LZTS1: variants seen among roughly 807,000 people sequenced by gnomAD.
The protein encoded by LZTS1 is leucine zipper putative tumor suppressor 1.
A neutral mutation model predicts 45.8 loss-of-function variants in LZTS1; 31 were observed. That is an observed-to-expected ratio of 0.68 (90% CI 0.51 to 0.91). The LOEUF (loss-of-function observed/expected upper bound fraction) is 0.91, where lower values mean the gene tolerates loss of function less well. LZTS1 is among the 40% of genes least tolerant of loss of function. The pLI is 0.00. For synonymous variants in LZTS1, 359 were observed against 357.3 expected (o/e 1.00, Z -0.05); for missense variants, 821 against 788.9 (o/e 1.04, Z -0.49).
chr8:20,303,785 AGTGTTTCCCG>A lies in LZTS1; in HGVS notation c.-190_-181del. 1.0e-6 allele frequency: 1 copy of A among 980,434 alleles called. No individual in the cohort carries two copies. Among genetic ancestry groups the A allele is most frequent in the Non-Finnish European group, 1.2e-6 (1 of 828,856 alleles). 60.7% of individuals were successfully genotyped at this position (980,434 alleles called of 1,614,324 possible). A position where few individuals can be genotyped will look rare whatever the true frequency, so the allele number is the denominator to read the frequency against. ...GCACTTGAGACTTTTTTTTTTTCCC[AGTGTTTCCCG>A]GTGTGTTCCCGTCTCTCTTTTTCCA... On this transcript the variant is annotated 5_prime_UTR_variant, in exon 1 of 4. Coordinates refer to ENST00000381569, the MANE Select transcript of LZTS1 (RefSeq NM_021020.5).
rs137873933 is a variant in LZTS1 at position 20,284,755 on chromosome 8, G to A, written c.-135+18985C>T. Reference sequence around the variant, plus strand: ...TGTAATGACAACCCCCAAGGCAGCCGGCTTACCTCTTCTGCCTCCAACCCA... The same window carrying A: ...TGTAATGACAACCCCCAAGGCAGCCAGCTTACCTCTTCTGCCTCCAACCCA... On this transcript the variant is annotated intron_variant, in intron 1 of 3. Coordinates refer to ENST00000381569, the MANE Select transcript of LZTS1 (RefSeq NM_021020.5). Among the ~76,000 whole-genome samples the A allele has an allele frequency of 1.4e-3, 219 of 151,994 alleles. 1 individual carries two copies. The highest frequency in any genetic ancestry group is 5.0e-3 in the African/African-American group (208 of 41,458).
intron 1 of LZTS1, among the ~76,000 whole-genome samples, chr8:20,279,688 A>AG (rs1195892905): frequency 2.0e-5 from 3 of 150,448 alleles, no homozygotes; most frequent in African/African-American, 7.3e-5. Flanking sequence ...TCTCAAAAAA[A>AG]AAAAAAAAAA....
At chr8:20,290,992 C>T (rs1269664474) in intron 1 of LZTS1, among the ~76,000 whole-genome samples, 1 of 152,212 alleles carries the variant, frequency 6.6e-6, no homozygotes, top group Non-Finnish European at 1.5e-5. Context: ...GGCCTCCCAA[C>T]CTTCTCCCCT....
chr8:20,287,476 C>T (rs900482477), intron 1 of LZTS1, among the ~76,000 whole-genome samples: 2 of 152,226 alleles, frequency 1.3e-5, no homozygotes, highest in Non-Finnish European at 2.9e-5. Flanking sequence ...ACTCTCTTTC[C>T]CTTCCTGGCT....
Position 20,252,809 on chromosome 8 carries a change from G to T in LZTS1, c.1122C>A (p.Gly374=). The change falls in exon 3 of 4, where the codon GGC becomes GGA. Residue 374 remains glycine, a synonymous_variant. Transcript: ENST00000381569. ...RSYEREKTSF[G]PALEETQWEV... ...CCCACTGGGTCTCCTCCAGCGCGGG[G>T]CCGAAGCTGGTCTTCTCCCTCTCGT... The T allele has an allele frequency of 6.5e-7, 1 of 1,534,572 alleles. No individual in the cohort carries two copies. The highest frequency in any genetic ancestry group is 8.8e-7 in the Non-Finnish European group (1 of 1,139,830).
rs372885888 is a variant in LZTS1, at chr8:20,259,824, C to T, written c.-134-4509G>A. Among the ~76,000 whole-genome samples, 60 of 152,292 alleles carry T rather than the reference C, an allele frequency of 3.9e-4. 1 individual carries two copies. The South Asian group carries it at 9.1e-3, about 23-fold the overall frequency. On this transcript the variant is annotated intron_variant, in intron 1 of 3. Coordinates refer to ENST00000381569, the MANE Select transcript of LZTS1 (RefSeq NM_021020.5). ...ATCTTGAAACCCTTGCATCCCTCCC[C>T]GATTACTTTCTACCAACCTGTTTAT...
chr8:20,252,935 G>C lies in LZTS1; in HGVS notation c.996C>G (p.His332Gln). The stretch of plus-strand genomic sequence containing the variant: ...CCTGCTGAAGCTGCAGTACCTGCAG[G>C]TGCAGGACCTGCTGCGCGCGCTGGC... ...QKSQRAQQVLHLQVLQLQQEK... is the reference protein window; with the variant it reads ...QKSQRAQQVLQLQVLQLQQEK... The change falls in exon 3 of 4, where the codon CAC becomes CAG. Residue 332 changes from histidine (H) to glutamine (Q), a missense_variant. His to Gln is a conservative substitution (Grantham distance 24, BLOSUM62 0). Coordinates refer to ENST00000381569, the MANE Select transcript of LZTS1 (RefSeq NM_021020.5). 1 of 1,604,930 alleles carries C rather than the reference G, an allele frequency of 6.2e-7. No individual in the cohort carries two copies. Among genetic ancestry groups the C allele is most frequent in the Non-Finnish European group, 8.5e-7 (1 of 1,176,912 alleles).
chr8:20,253,131 T>C lies in LZTS1; in HGVS notation c.800A>G (p.Glu267Gly). Residue 267 changes from glutamate (E) to glycine (G), a missense_variant, in exon 3 of 4, where the codon GAG becomes GGG. Glu to Gly is a moderately conservative substitution (Grantham distance 98). Transcript: ENST00000381569. ...GCCCTCCCTCTCCAACAGCTTCTGC[T>C]CCAGCTCCTGGATGCTGCACTCGTC... ...STDECSIQEL[E>G]QKLLEREGAL... 1 of 1,612,636 alleles carries C rather than the reference T, an allele frequency of 6.2e-7. No individual in the cohort carries two copies. The highest frequency in any genetic ancestry group is 2.2e-5 in the East Asian group (1 of 44,866).
chr8:20,247,242 G>A lies in LZTS1; in HGVS notation c.*2480C>T, dbSNP rs1036644655. On this transcript the variant is annotated 3_prime_UTR_variant, in exon 4 of 4. Transcript: ENST00000381569. Reference sequence around the variant, plus strand: ...ATGGAAGGTACCGGGACACCATGGCGGAGCACAGCCTCCGCCTCAGGGCCT... The same window carrying A: ...ATGGAAGGTACCGGGACACCATGGCAGAGCACAGCCTCCGCCTCAGGGCCT... 5 of 152,380 alleles carry A rather than the reference G, an allele frequency of 3.3e-5. No individual in the cohort carries two copies. Among genetic ancestry groups the A allele is most frequent in the African/African-American group, 7.2e-5 (3 of 41,436 alleles). 9.4% of individuals were successfully genotyped at this position (152,380 alleles called of 1,614,324 possible). A position where few individuals can be genotyped will look rare whatever the true frequency, so the allele number is the denominator to read the frequency against.
chr8:20,252,683 G>A (rs899484869), intron 3 of LZTS1, 99 bp downstream of exon 3: 13 of 1,080,678 alleles, frequency 1.2e-5, no homozygotes, highest in East Asian at 5.0e-5. Flanking sequence ...TTGCCTGCGC[G>A]GTCTGTGTTT....
chr8:20,294,437 C>T (rs927782641), intron 1 of LZTS1, among the ~76,000 whole-genome samples: 1 of 152,214 alleles, frequency 6.6e-6, no homozygotes, highest in Non-Finnish European at 1.5e-5. Context: ...CCGAAGGCAG[C>T]TGGGGAGTCC....
intron 3 of LZTS1, among the ~76,000 whole-genome samples, chr8:20,251,309 G>A (rs563609035): frequency 4.6e-5 from 7 of 151,680 alleles, no homozygotes; most frequent in South Asian, 4.2e-4. Flanking sequence ...CACTCCCTTC[G>A]TGGCATGAAT....
Position 20,249,328 on chromosome 8 carries a change from G to T in LZTS1, c.*394C>A. The T allele has an allele frequency of 5.5e-6, 1 of 182,898 alleles. No individual in the cohort carries two copies. The highest frequency in any genetic ancestry group is 1.1e-5 in the Non-Finnish European group (1 of 87,042). 11.3% of individuals were successfully genotyped at this position (182,898 alleles called of 1,614,324 possible). Reference sequence around the variant, plus strand: ...CTTTCTATTTCCAAGGCATTCCAATGTGTCCAGGAGGAAAAAGAGGTTGGG... The same window carrying T: ...CTTTCTATTTCCAAGGCATTCCAATTTGTCCAGGAGGAAAAAGAGGTTGGG... On this transcript the variant is annotated 3_prime_UTR_variant, in exon 4 of 4. Transcript: ENST00000381569.
chr8:20,290,624 C>G (rs1800884846), intron 1 of LZTS1, among the ~76,000 whole-genome samples: 1 of 152,238 alleles, frequency 6.6e-6, no homozygotes, highest in Admixed American at 6.5e-5. Flanking sequence ...GAATTAGACT[C>G]TTTAACTTGA....
chr8:20,265,022 T>G (rs1800319098), intron 1 of LZTS1, among the ~76,000 whole-genome samples: 1 of 152,026 alleles, frequency 6.6e-6, no homozygotes, highest in African/African-American at 2.4e-5. Context: ...GCTGCTTGAA[T>G]CAGAGAGGGT....
At chr8:20,269,900 G>A (rs1308707674) in intron 1 of LZTS1, among the ~76,000 whole-genome samples, 2 of 152,130 alleles carry the variant, frequency 1.3e-5, no homozygotes, top group Admixed American at 6.5e-5. Flanking sequence ...GCAGGTGCAC[G>A]ACTCTCCATT....
Position 20,249,514 on chromosome 8 carries a change from C to T in LZTS1, c.*208G>A. The T allele has an allele frequency of 1.6e-6, 1 of 625,840 alleles. No individual in the cohort carries two copies. The highest frequency in any genetic ancestry group is 2.7e-6 in the Non-Finnish European group (1 of 365,700). 38.8% of individuals were successfully genotyped at this position (625,840 alleles called of 1,614,324 possible). On this transcript the variant is annotated 3_prime_UTR_variant, in exon 4 of 4. Coordinates refer to ENST00000381569, the MANE Select transcript of LZTS1 (RefSeq NM_021020.5). The stretch of plus-strand genomic sequence containing the variant: ...CTGGGAAAGCCAGAGGAGTCAGGGC[C>T]TGACGTCTGGTGGGCTGCAGGGCTG...
chr8:20,253,388 G>A lies in LZTS1; in HGVS notation c.543C>T (p.Ser181=). The A allele has an allele frequency of 1.9e-6, 3 of 1,612,882 alleles. No homozygotes were observed. The highest frequency in any genetic ancestry group is 2.5e-6 in the Non-Finnish European group (3 of 1,179,274). ...LSDSGRNSMS[S]LPTHSTSSSY... is the part of the protein sequence containing the mutation. ...TGCTGCTGGTGCTGTGTGTGGGCAG[G>A]CTGGACATGGAGTTCCGGCCGGAGT... is the stretch of plus-strand genomic sequence containing the variant. Residue 181 remains serine (S), a synonymous_variant, in exon 3 of 4, where the codon AGC becomes AGT. Transcript: ENST00000381569.
intron 1 of LZTS1, among the ~76,000 whole-genome samples, chr8:20,256,059 T>TCA (rs1585280026): frequency 1.0e-4 from 2 of 19,488 alleles, no homozygotes; most frequent in South Asian, 1.7e-3. Flanking sequence ...TGGGCCTGAC[T>TCA]CAAAAAAAAA....
Sources: allele counts gnomAD v4.1 joint callset (sites outside exome capture counted in the v4.1 genomes callset), GRCh38; gene constraint gnomAD v4.1.1; transcripts MANE v1.5; gene names NCBI Gene and HGNC (gene_info 2026-07-23, HGNC 2026-07-21).